Variants in GLRX3 observed in about 807,000 individuals in gnomAD.
The protein encoded by GLRX3 is glutaredoxin 3, also known as glutaredoxin-3.
A neutral mutation model predicts 49.5 loss-of-function variants in GLRX3; 22 were observed. The ratio of observed to expected loss-of-function variants is 0.44; its 90% confidence interval spans 0.32 to 0.63. The LOEUF is 0.63. Among genes scored for constraint, GLRX3 ranks in the 30% least tolerant of loss-of-function variants. GLRX3 has a pLI of 0.05. For missense variants in GLRX3, 385 were observed against 396.3 expected (o/e 0.97, Z 0.24); for synonymous variants, 133 against 140.0 (o/e 0.95, Z 0.35).
chr10:130,147,641 AAAGGTACTTTCC>A (rs1441635349), intron 2 of GLRX3, among the ~76,000 whole-genome samples: 2 of 151,702 alleles, frequency 1.3e-5, no homozygotes, highest in East Asian at 1.9e-4. Context: ...CATTAAGGGC[AAAGGTACTTTCC>A]ATGGCATTTG....
chr10:130,147,659 A>T (rs891224046), intron 2 of GLRX3, among the ~76,000 whole-genome samples: 9 of 149,050 alleles, frequency 6.0e-5, no homozygotes, highest in Middle Eastern at 3.4e-3. Context: ...TTTCCATGGC[A>T]TTTGTAAGGC....
At chr10:130,161,339 C>T (rs1862573013) in intron 4 of GLRX3, among the ~76,000 whole-genome samples, 1 of 152,170 alleles carries the variant, frequency 6.6e-6, no homozygotes, top group Admixed American at 6.5e-5. Context: ...ATATTGCTGT[C>T]TCTTTTGCCT....
At chr10:130,139,036 A>G (rs1315163209) in intron 1 of GLRX3, among the ~76,000 whole-genome samples, 2 of 151,318 alleles carry the variant, frequency 1.3e-5, no homozygotes, top group African/African-American at 4.9e-5. Context: ...TAATTTTTGC[A>G]TTTTTAGTAG....
At chr10:130,141,416 T>C (rs1862173441) in intron 1 of GLRX3, among the ~76,000 whole-genome samples, 1 of 152,154 alleles carries the variant, frequency 6.6e-6, no homozygotes. Context: ...TCAGATGTGG[T>C]GAATTTTCAC....
intron 1 of GLRX3, among the ~76,000 whole-genome samples, chr10:130,143,782 C>G (rs1862218857): frequency 6.6e-6 from 1 of 151,874 alleles, no homozygotes; most frequent in African/African-American, 2.4e-5. Flanking sequence ...ACTGTAACCT[C>G]TGCCTTCTGG....
chr10:130,160,219 A>G (rs1862548149), intron 3 of GLRX3, 150 bp downstream of exon 3: 3 of 603,006 alleles, frequency 5.0e-6, no homozygotes, highest in Non-Finnish European at 9.0e-6. Context: ...TCATTTTTGC[A>G]CCGATGCTGA....
At position 130,166,403 on chromosome 10, in the gene GLRX3, C is replaced by T. The variant is rs556203641; in HGVS notation, c.479-104C>T. 747 of 721,406 alleles carry T rather than the reference C, an allele frequency of 1.0e-3. 2 individuals are homozygous for T. The highest frequency in any genetic ancestry group is 1.6e-3 in the Non-Finnish European group (675 of 433,642). The allele number at this position is 721,406 out of a possible 1,614,324, so 44.7% of individuals were successfully genotyped here. A position where few individuals can be genotyped will look rare whatever the true frequency, so the allele number is the denominator to read the frequency against. On this transcript the variant is annotated intron_variant, in intron 4 of 10. Transcript: ENST00000331244. ...TAAATCACCAGCAAAATAAGGCAGGCGTCTATGTCTTTTAGATGATATGTA... is the reference window on the plus strand; with the variant it reads ...TAAATCACCAGCAAAATAAGGCAGGTGTCTATGTCTTTTAGATGATATGTA...
intron 1 of GLRX3, among the ~76,000 whole-genome samples, chr10:130,143,895 C>T (rs1862220805): frequency 6.6e-6 from 1 of 152,044 alleles, no homozygotes; most frequent in African/African-American, 2.4e-5. Flanking sequence ...GTTGGGGTTT[C>T]ACCACATTAG....
chr10:130,175,202 T>C lies in GLRX3; in HGVS notation c.957+113T>C, dbSNP rs927999119. ...TTGTTTTTGACTCCTGTTTCCAGCCTGACTCTCAGACATTTCTAGACCAGT... is the reference window on the plus strand; with the variant it reads ...TTGTTTTTGACTCCTGTTTCCAGCCCGACTCTCAGACATTTCTAGACCAGT... On this transcript the variant is annotated intron_variant, in intron 10 of 10. Transcript: ENST00000331244. 3.3e-5 allele frequency: 23 copies of C among 696,792 alleles called. No individual in the cohort carries two copies. In the African/African-American group the frequency reaches 3.9e-4, roughly 12 times the overall value. The allele number at this position is 696,792 out of a possible 1,614,324, so 43.2% of individuals were successfully genotyped here. A position where few individuals can be genotyped will look rare whatever the true frequency, so the allele number is the denominator to read the frequency against.
chr10:130,148,433 CTTTTT>C (rs57482969), intron 2 of GLRX3, among the ~76,000 whole-genome samples: 2 of 70,584 alleles, frequency 2.8e-5, no homozygotes, highest in African/African-American at 5.7e-5. Context: ...GCCCTTCAGT[CTTTTT>C]TTTTTTTTTT....
At chr10:130,168,153 G>A (rs1411192132) in intron 6 of GLRX3, among the ~76,000 whole-genome samples, 2 of 152,128 alleles carry the variant, frequency 1.3e-5, no homozygotes, top group African/African-American at 2.4e-5. Context: ...GAATTATGTC[G>A]GAAGGAAAAT....
intron 4 of GLRX3, among the ~76,000 whole-genome samples, chr10:130,164,349 A>G (rs1336306325): frequency 1.3e-5 from 2 of 152,252 alleles, no homozygotes; most frequent in Admixed American, 6.5e-5. Context: ...GGGAATTCTT[A>G]TAACTATTTC....
chr10:130,150,306 C>T (rs1296879982), intron 2 of GLRX3, among the ~76,000 whole-genome samples: 1 of 151,740 alleles, frequency 6.6e-6, no homozygotes, highest in Non-Finnish European at 1.5e-5. Context: ...ATGGCTCTTG[C>T]TTTCCATGCA....
intron 6 of GLRX3, 142 bp downstream of exon 6, chr10:130,167,122 C>G (rs1862707639): frequency 2.0e-6 from 1 of 505,246 alleles, no homozygotes; most frequent in Non-Finnish European, 3.5e-6. Flanking sequence ...GTCACATTAG[C>G]CATTCAAACT....
chr10:130,150,869 T>G lies in GLRX3; in HGVS notation c.201+5550T>G, dbSNP rs1347789769. Among the ~76,000 whole-genome samples, 3 of 152,132 alleles carry G rather than the reference T, an allele frequency of 2.0e-5. No individual in the cohort carries two copies. In the East Asian group the frequency reaches 5.8e-4, roughly 29 times the overall value. On this transcript the variant is annotated intron_variant, in intron 2 of 10. Coordinates refer to ENST00000331244, the MANE Select transcript of GLRX3 (RefSeq NM_006541.5). ...TTTGGCATCTTAAGAGAGCATATGT[T>G]GGATTTCATTCTACAGGAAGGAACT... is the stretch of plus-strand genomic sequence containing the variant.
At chr10:130,166,771 A>T (rs969062101) in intron 5 of GLRX3, 92 bp downstream of exon 5, 8 of 1,009,382 alleles carry the variant, frequency 7.9e-6, no homozygotes, top group Non-Finnish European at 1.2e-5. Flanking sequence ...CAAATTTCTT[A>T]TGAATCTATA....
At chr10:130,165,728 AAC>A (rs1424386226) in intron 4 of GLRX3, among the ~76,000 whole-genome samples, 1 of 152,212 alleles carries the variant, frequency 6.6e-6, no homozygotes, top group Admixed American at 6.5e-5. Flanking sequence ...CTGAAGTGGG[AAC>A]TCAGGAAGTA....
intron 8 of GLRX3, among the ~76,000 whole-genome samples, chr10:130,172,826 C>T (rs1356761381): frequency 6.6e-6 from 1 of 152,102 alleles, no homozygotes; most frequent in Non-Finnish European, 1.5e-5. Context: ...CCTATAATCC[C>T]AGCCACTCAG....
intron 10 of GLRX3, among the ~76,000 whole-genome samples, chr10:130,175,676 GACTTT>G (rs1253815399): frequency 3.3e-5 from 5 of 152,226 alleles, no homozygotes; most frequent in Non-Finnish European, 5.9e-5. Flanking sequence ...ATGGATAAGT[GACTTT>G]ACTTCTTGAT....
Sources: gnomAD v4.1 joint callset for allele counts (sites outside exome capture counted in the v4.1 genomes callset) on GRCh38, gnomAD v4.1.1 for gene constraint, MANE v1.5 for transcripts, NCBI Gene and HGNC (gene_info 2026-07-23, HGNC 2026-07-21) for gene names.